Variants in NBR1 observed in about 807,000 individuals in gnomAD.
NBR1 encodes NBR1 autophagy cargo receptor.
Under a neutral mutation model 115.5 loss-of-function variants are expected in NBR1, and 59 were observed. The ratio of observed to expected loss-of-function variants is 0.51; its 90% CI spans 0.41 to 0.63. The LOEUF is 0.63. Ranked by LOEUF, NBR1 falls within the 30% of genes least tolerant of loss-of-function variation. The pLI is 0.00. For missense variants in NBR1, 1,043 were observed against 1,150.5 expected, an observed-to-expected ratio of 0.91 and a Z score of 1.35; for synonymous variants, 373 against 414.7, an observed-to-expected ratio of 0.90 and a Z score of 1.22.
rs149791089 is a variant in NBR1, at chr17:43,205,548, T to C, written c.2727+1762T>C. ...TAAAAAAGACTTGGAAATGTGAGCATGGAGTGTGAATCCGGTCTAAGAAGA... is the reference window on the plus strand; with the variant it reads ...TAAAAAAGACTTGGAAATGTGAGCACGGAGTGTGAATCCGGTCTAAGAAGA... On this transcript the variant is annotated intron_variant, in intron 20 of 20. Transcript: ENST00000590996. 1.4e-3 allele frequency among the ~76,000 whole-genome samples: 214 copies of C among 152,022 alleles called. 1 individual carries two copies. Among genetic ancestry groups the C allele is most frequent in the Middle Eastern group, 3.4e-3 (1 of 294 alleles).
chr17:43,201,960 A>G (rs1325508301), intron 18 of NBR1, among the ~76,000 whole-genome samples, 180 bp downstream of exon 18: 1 of 151,992 alleles, frequency 6.6e-6, no homozygotes, highest in African/African-American at 2.4e-5. Context: ...CAGGCGGATC[A>G]TAGGGTCAGG....
Position 43,195,229 on chromosome 17 carries a change from A to C in NBR1, c.1750+190A>C, listed in dbSNP as rs1031351562. 24 of 588,428 alleles carry C rather than the reference A, an allele frequency of 4.1e-5. No individual in the cohort carries two copies. In the Admixed American group the frequency reaches 4.3e-4, roughly 11 times the overall value. 36.5% of individuals were successfully genotyped at this position (588,428 alleles called of 1,614,324 possible). ...TGTCAAAAGTAACAACATGCTGGGC[A>C]TGGTGGCTCGTGTCTATAATCCCAG... On this transcript the variant is annotated intron_variant, in intron 14 of 20. Coordinates refer to ENST00000590996, the MANE Select transcript of NBR1 (RefSeq NM_005899.5).
chr17:43,181,649 G>A (rs1362225846), intron 5 of NBR1, among the ~76,000 whole-genome samples: 1 of 149,122 alleles, frequency 6.7e-6, no homozygotes, highest in Non-Finnish European at 1.5e-5. Flanking sequence ...CTGGGCGACA[G>A]TGAGACTCTG....
chr17:43,205,937 T>C (rs2057306762), intron 20 of NBR1, among the ~76,000 whole-genome samples: 1 of 149,222 alleles, frequency 6.7e-6, no homozygotes, highest in Admixed American at 6.7e-5. Flanking sequence ...CTCAACACTT[T>C]GGGAGGCTGA....
chr17:43,195,379 C>T (rs547678761), intron 14 of NBR1: 13 of 286,998 alleles, frequency 4.5e-5, no homozygotes, highest in South Asian at 3.5e-4. Context: ...TGGCCAGGCA[C>T]GGTGGCTCAC....
At chr17:43,209,174 T>TCACGCCGTTGTCCTGCCTC in intron 20 of NBR1, among the ~76,000 whole-genome samples, 1 of 152,076 alleles carries the variant, frequency 6.6e-6, no homozygotes, top group South Asian at 2.1e-4. Flanking sequence ...CCTCCTGGGT[T>TCACGCCGTTGTCCTGCCTC]CACGCCGTTG....
At chr17:43,187,502 CTTTTTTT>C (rs71160025) in intron 6 of NBR1, among the ~76,000 whole-genome samples, 2 of 68,838 alleles carry the variant, frequency 2.9e-5, no homozygotes, top group Non-Finnish European at 4.9e-5. Flanking sequence ...TATTTCCTGA[CTTTTTTT>C]TTTTTTTTTT....
intron 9 of NBR1, 83 bp from the exon 10 acceptor site, chr17:43,191,289 C>G: frequency 3.1e-6 from 3 of 954,836 alleles, no homozygotes; most frequent in Non-Finnish European, 4.8e-6. Flanking sequence ...GAAGCTGACA[C>G]TGATGGAAAT....
Position 43,193,616 on chromosome 17 carries a change from A to C in NBR1, c.1502A>C (p.Asp501Ala). 2 of 1,609,936 alleles carry C rather than the reference A, an allele frequency of 1.2e-6. No homozygotes were observed. Among genetic ancestry groups the C allele is most frequent in the Non-Finnish European group, 1.7e-6 (2 of 1,178,076 alleles). The stretch of plus-strand genomic sequence containing the variant: ...GGCATGATCAGCTCAAGCAAAACTG[A>C]TGATCTCACCTGCCAGCAAGAGGTG... ...EKGMISSSKT[D>A]DLTCQQEETF... Residue 501 changes from aspartate to alanine, a missense_variant, in exon 12 of 21, where the codon GAT (aspartate) becomes GCT (alanine). Transcript: ENST00000590996.
intron 8 of NBR1, 93 bp downstream of exon 8, chr17:43,189,895 C>A: frequency 9.3e-7 from 1 of 1,080,504 alleles, no homozygotes; most frequent in Non-Finnish European, 1.4e-6. Context: ...ATTAATTGTA[C>A]CCTGTTTCTG....
intron 3 of NBR1, among the ~76,000 whole-genome samples, chr17:43,178,534 G>A (rs1186700089): frequency 1.3e-5 from 2 of 150,836 alleles, no homozygotes; most frequent in African/African-American, 2.4e-5. Context: ...ATACCACCAC[G>A]CCTGGCTAAT....
At chr17:43,189,216 G>C in intron 7 of NBR1, 97 bp downstream of exon 7, 2 of 873,826 alleles carry the variant, frequency 2.3e-6, no homozygotes, top group Non-Finnish European at 3.9e-6. Flanking sequence ...GCTGCCTCTA[G>C]TACCGGTGAA....
At chr17:43,194,912 G>C (rs2057031788) in intron 13 of NBR1, 52 bp from the exon 14 acceptor site, 4 of 1,420,424 alleles carry the variant, frequency 2.8e-6, no homozygotes, top group Non-Finnish European at 4.0e-6. Context: ...GTCCCATCAA[G>C]ACATGGCTCC....
In NBR1 at chr17:43,190,797, A is replaced by G. The variant is rs755976187; in HGVS notation, c.863+21A>G. ...GTCAGGTAAAACCCTCTACATGGAGATGCTTATTCTCTGATTGACTTCTTG... is the reference window on the plus strand; with the variant it reads ...GTCAGGTAAAACCCTCTACATGGAGGTGCTTATTCTCTGATTGACTTCTTG... On this transcript the variant is annotated intron_variant, in intron 9 of 20. Transcript: ENST00000590996. 3 of 1,558,328 alleles carry G rather than the reference A, an allele frequency of 1.9e-6. No homozygotes were observed. The African/African-American group carries it at 4.1e-5, about 21-fold the overall frequency.
At chr17:43,196,871 T>G in intron 15 of NBR1, 71 bp from the exon 16 acceptor site, 1 of 1,536,964 alleles carries the variant, frequency 6.5e-7, no homozygotes. Context: ...AGTTTTAGCA[T>G]GGGTAATGAC....
chr17:43,181,584 T>A (rs2056665451), intron 5 of NBR1, among the ~76,000 whole-genome samples: 1 of 152,044 alleles, frequency 6.6e-6, no homozygotes, highest in Admixed American at 6.5e-5. Context: ...GAGAATGGCG[T>A]GAACCCCGGA....
intron 1 of NBR1, among the ~76,000 whole-genome samples, chr17:43,173,131 A>G (rs368846401): frequency 2.0e-5 from 3 of 151,740 alleles, no homozygotes; most frequent in South Asian, 2.1e-4. Context: ...CGGCCCTATT[A>G]TTTTTTAAAA....
In NBR1 at chr17:43,200,517, C is replaced by T; in HGVS notation, c.2377C>T (p.His793Tyr). 6.2e-7 allele frequency: 1 copy of T among 1,614,010 alleles called. No individual in the cohort carries two copies. Among genetic ancestry groups the T allele is most frequent in the Non-Finnish European group, 8.5e-7 (1 of 1,179,896 alleles). Residue 793 changes from histidine to tyrosine, a missense_variant, in exon 17 of 21, where the codon CAC becomes TAC. His to Tyr is a moderately conservative substitution (Grantham distance 83). Transcript: ENST00000590996. The stretch of plus-strand genomic sequence containing the variant: ...TGGAGGGGAGAACCAGCCACAGGAG[C>T]ACAGCATAAGTGACATCCTCACGAC... ...LPGGENQPQEHSISDILTTSQ... is the reference protein window; with the variant it reads ...LPGGENQPQEYSISDILTTSQ...
intron 1 of NBR1, among the ~76,000 whole-genome samples, chr17:43,173,030 G>A (rs1198407243): frequency 6.6e-6 from 1 of 152,100 alleles, no homozygotes; most frequent in African/African-American, 2.4e-5. Context: ...GTTTCACCGT[G>A]TTAGCCAGGA....
Sources: gnomAD v4.1 joint callset for allele counts (sites outside exome capture counted in the v4.1 genomes callset) on GRCh38, gnomAD v4.1.1 for gene constraint, MANE v1.5 for transcripts, NCBI Gene and HGNC (gene_info 2026-07-23, HGNC 2026-07-21) for gene names.